The following NBEA variants were observed in gnomAD, a reference collection of about 807,000 sequenced individuals.
NBEA encodes the protein lysosomal-trafficking regulator 2.
In NBEA, 44 loss-of-function variants were observed where a neutral mutation model predicts 343.4. That is an observed-to-expected ratio of 0.13 (90% CI 0.10 to 0.16). The LOEUF is 0.16. NBEA is among the 10% of genes least tolerant of loss of function. The probability of loss-of-function intolerance (pLI) is 1.00; values close to 1 mark genes in which losing one functional copy is unlikely to be tolerated. For missense variants in NBEA, 2,555 were observed against 3,631.3 expected, an observed-to-expected ratio of 0.70 and a Z score of 7.62; for synonymous variants, 1,175 against 1,238.7, an observed-to-expected ratio of 0.95 and a Z score of 1.08.
intron 37 of NBEA, among the ~76,000 whole-genome samples, chr13:35,351,114 C>T (rs2040175108): frequency 1.3e-5 from 2 of 151,800 alleles, no homozygotes; most frequent in Non-Finnish European, 2.9e-5. Flanking sequence ...GTTATTTCTC[C>T]AGAAGAGATT....
chr13:35,280,819 T>C (rs937719587), intron 34 of NBEA, among the ~76,000 whole-genome samples: 9 of 152,050 alleles, frequency 5.9e-5, no homozygotes, highest in African/African-American at 1.9e-4. Context: ...TTAGATTTCC[T>C]AGTTCATCCA....
intron 31 of NBEA, among the ~76,000 whole-genome samples, chr13:35,196,719 T>G (rs2072631806): frequency 6.6e-6 from 1 of 152,148 alleles, no homozygotes. Flanking sequence ...TTGTTGGAGA[T>G]TATATGACAT....
intron 1 of NBEA, among the ~76,000 whole-genome samples, chr13:35,021,772 T>A (rs928935666): frequency 2.6e-5 from 4 of 152,182 alleles, no homozygotes; most frequent in African/African-American, 9.6e-5. Context: ...CCATGTCCTT[T>A]GTGCTGTTGT....
chr13:35,105,867 G>A (rs1165886569), intron 11 of NBEA, among the ~76,000 whole-genome samples: 1 of 151,952 alleles, frequency 6.6e-6, no homozygotes, highest in Non-Finnish European at 1.5e-5. Context: ...CACATTATAT[G>A]TATATGTGTG....
chr13:35,672,349 G>A lies in NBEA; in HGVS notation c.*1358G>A, dbSNP rs912749119. On this transcript the variant is annotated 3_prime_UTR_variant, in exon 59 of 59. Coordinates refer to ENST00000379939, the MANE Select transcript of NBEA (RefSeq NM_001385012.1). ...GATAAAACAAGATAATGGGTTCTTT[G>A]TATTGGCACTTTGCACCAGAAACAT... 3.9e-5 allele frequency: 6 copies of A among 152,618 alleles called. No individual in the cohort carries two copies. In the East Asian group the frequency reaches 7.7e-4, roughly 20 times the overall value. 9.5% of individuals were successfully genotyped at this position (152,618 alleles called of 1,614,324 possible). A position where few individuals can be genotyped will look rare whatever the true frequency, so the allele number is the denominator to read the frequency against.
chr13:35,432,080 T>G (rs1345175338), intron 38 of NBEA, among the ~76,000 whole-genome samples, 189 bp from the exon 39 acceptor site: 4 of 151,548 alleles, frequency 2.6e-5, no homozygotes, highest in Non-Finnish European at 5.9e-5. Context: ...TTAAGTCTTT[T>G]TCACTTGTAG....
At chr13:35,190,779 A>C (rs1302053274) in intron 30 of NBEA, among the ~76,000 whole-genome samples, 1 of 152,164 alleles carries the variant, frequency 6.6e-6, no homozygotes, top group Non-Finnish European at 1.5e-5. Context: ...GGAACAAAGC[A>C]GTTGATATAA....
At chr13:35,016,587 TATACAC>T (rs532411159) in intron 1 of NBEA, among the ~76,000 whole-genome samples, 2,321 of 49,108 alleles carry the variant, frequency 0.047, 61 homozygotes, top group South Asian at 0.18. Context: ...CTTGTATGTG[TATACAC>T]ACACACACAC....
At chr13:35,506,126 G>A (rs1194307876) in intron 41 of NBEA, among the ~76,000 whole-genome samples, 5 of 152,084 alleles carry the variant, frequency 3.3e-5, no homozygotes, top group Non-Finnish European at 5.9e-5. Flanking sequence ...GTGGTGGCAC[G>A]ATCTTAGCTT....
chr13:35,316,270 C>T (rs896226942), intron 36 of NBEA, among the ~76,000 whole-genome samples: 3 of 151,964 alleles, frequency 2.0e-5, no homozygotes, highest in Non-Finnish European at 4.4e-5. Flanking sequence ...TCCTCCACCC[C>T]CCAACAGGCC....
chr13:35,468,771 G>A (rs749332750), intron 40 of NBEA, among the ~76,000 whole-genome samples: 8 of 152,046 alleles, frequency 5.3e-5, no homozygotes, highest in Non-Finnish European at 8.8e-5. Context: ...CTTAAAATTT[G>A]TGAATATTGG....
chr13:35,042,965 CATTTT>C (rs990757785), intron 2 of NBEA, among the ~76,000 whole-genome samples: 3 of 151,694 alleles, frequency 2.0e-5, no homozygotes, highest in Non-Finnish European at 3.0e-5. Flanking sequence ...CTAAATTAAA[CATTTT>C]ATAACAAATT....
chr13:35,619,618 C>T (rs563104878), intron 48 of NBEA, among the ~76,000 whole-genome samples: 21 of 152,264 alleles, frequency 1.4e-4, no homozygotes, highest in African/African-American at 4.6e-4. Flanking sequence ...AGATATTCTT[C>T]ACAGATAAGG....
chr13:35,094,229 G>C (rs1421966658), intron 10 of NBEA, among the ~76,000 whole-genome samples: 2 of 152,006 alleles, frequency 1.3e-5, no homozygotes, highest in African/African-American at 4.8e-5. Flanking sequence ...ATCCATGACA[G>C]TGGTAGCAAT....
Position 35,503,075 on chromosome 13 carries a change from C to T in NBEA, c.6585+30539C>T, listed in dbSNP as rs59286230. 3.6e-4 allele frequency among the ~76,000 whole-genome samples: 55 copies of T among 151,992 alleles called. No homozygotes were observed. In the East Asian group the frequency reaches 8.3e-3, roughly 23 times the overall value. On this transcript the variant is annotated intron_variant, in intron 41 of 58. Coordinates refer to ENST00000379939, the MANE Select transcript of NBEA (RefSeq NM_001385012.1). ...AGTGTAATCACAGGCAATATAAATTCGAAGGTATATTTTTAAACTGCACAC... is the reference window on the plus strand; with the variant it reads ...AGTGTAATCACAGGCAATATAAATTTGAAGGTATATTTTTAAACTGCACAC...
chr13:35,318,825 T>C (rs907454189), intron 36 of NBEA, among the ~76,000 whole-genome samples: 3 of 152,202 alleles, frequency 2.0e-5, no homozygotes, highest in Non-Finnish European at 4.4e-5. Context: ...CCTGGTTTAG[T>C]CTTGGGAGGG....
intron 1 of NBEA, among the ~76,000 whole-genome samples, chr13:34,957,878 CTTTA>C (rs1315662772): frequency 2.0e-5 from 3 of 151,968 alleles, no homozygotes; most frequent in Admixed American, 1.3e-4. Flanking sequence ...CTATTTATAG[CTTTA>C]TTTGTCTCTT....
chr13:35,318,054 G>A (rs917388743), intron 36 of NBEA, among the ~76,000 whole-genome samples: 3 of 152,162 alleles, frequency 2.0e-5, no homozygotes, highest in South Asian at 4.1e-4. Context: ...AAATAGAAAC[G>A]ATTTGACTTT....
At chr13:35,195,436 T>C (rs2072516536) in intron 30 of NBEA, among the ~76,000 whole-genome samples, 1 of 152,094 alleles carries the variant, frequency 6.6e-6, no homozygotes, top group Non-Finnish European at 1.5e-5. Context: ...TTTGCTCTTG[T>C]TGCCCAGGCA....
Sources: allele counts gnomAD v4.1 joint callset (sites outside exome capture counted in the v4.1 genomes callset), GRCh38; gene constraint gnomAD v4.1.1; transcripts MANE v1.5; gene names NCBI Gene and HGNC (gene_info 2026-07-23, HGNC 2026-07-21).